The following NBEA variants were observed in gnomAD, a reference collection of about 807,000 sequenced individuals.
NBEA encodes the protein lysosomal-trafficking regulator 2.
Under a neutral mutation model 343.4 loss-of-function variants are expected in NBEA, and 44 were observed. That is an observed-to-expected ratio of 0.13 (90% CI 0.10 to 0.16). NBEA has a LOEUF of 0.16. NBEA is among the 10% of genes least tolerant of loss of function. The pLI is 1.00. For missense variants in NBEA, 2,555 were observed against 3,631.3 expected, an observed-to-expected ratio of 0.70 and a Z score of 7.62; for synonymous variants, 1,175 against 1,238.7, an observed-to-expected ratio of 0.95 and a Z score of 1.08.
chr13:35,358,063 C>A (rs1184161719), intron 38 of NBEA, among the ~76,000 whole-genome samples: 2 of 152,114 alleles, frequency 1.3e-5, no homozygotes, highest in African/African-American at 4.8e-5. Flanking sequence ...ACGCTGTCAC[C>A]CAGGCTGAAG....
intron 41 of NBEA, chr13:35,475,998 C>T: frequency 6.2e-7 from 1 of 1,614,224 alleles, no homozygotes; most frequent in South Asian, 1.1e-5. Flanking sequence ...GCGGCTCCTG[C>T]ACTTCCACTT....
chr13:35,070,819 A>G lies in NBEA; in HGVS notation c.1538A>G (p.Gln513Arg). 1.2e-6 allele frequency: 2 copies of G among 1,610,328 alleles called. No homozygotes were observed. The highest frequency in any genetic ancestry group is 1.7e-6 in the Non-Finnish European group (2 of 1,178,780). Residue 513 changes from glutamine (Q) to arginine (R), a missense_variant, in exon 10 of 59, where the codon CAG becomes CGG. By Grantham distance (43) the Gln-to-Arg change is conservative. This residue lies in a region of NBEA where 360 missense variants were observed against 519.1 expected (regional missense o/e 0.69). Transcript: ENST00000379939. ...CTTTTTGCCCAATTGGATAATAGGC[A>G]GCTCAATGACAGTCAAGTGGAAACA... is the stretch of plus-strand genomic sequence containing the variant. ...FPLFAQLDNR[Q>R]LNDSQVETTV...
intron 13 of NBEA, among the ~76,000 whole-genome samples, chr13:35,111,568 A>G (rs2066208093): frequency 1.3e-5 from 2 of 152,002 alleles, no homozygotes; most frequent in African/African-American, 4.8e-5. Flanking sequence ...AAATATTTAA[A>G]CTTTTTAATT....
chr13:35,084,041 A>G (rs939226303), intron 10 of NBEA, among the ~76,000 whole-genome samples: 2 of 152,166 alleles, frequency 1.3e-5, no homozygotes, highest in African/African-American at 2.4e-5. Context: ...CTAAATATAG[A>G]TGCACCCAAT....
Position 34,987,725 on chromosome 13 carries a change from C to T in NBEA, c.294+44611C>T, listed in dbSNP as rs1009891049. On this transcript the variant is annotated intron_variant, in intron 1 of 58. Transcript: ENST00000379939. ...CTCTTTTTTCTCTAACTTCTCTTCTCGCTTTATTTCATTAATTTGATCTTC... is the reference window on the plus strand; with the variant it reads ...CTCTTTTTTCTCTAACTTCTCTTCTTGCTTTATTTCATTAATTTGATCTTC... Among the ~76,000 whole-genome samples, 8 of 150,912 alleles carry T rather than the reference C, an allele frequency of 5.3e-5. No homozygotes were observed. In the East Asian group the frequency reaches 5.8e-4, roughly 11 times the overall value.
At chr13:35,628,787 G>A (rs773941920) in intron 49 of NBEA, among the ~76,000 whole-genome samples, 8 of 152,084 alleles carry the variant, frequency 5.3e-5, no homozygotes, top group Non-Finnish European at 1.0e-4. Flanking sequence ...GTGTGGTGGC[G>A]CAGCTGTGTG....
At chr13:35,247,020 G>T (rs1294486301) in intron 34 of NBEA, among the ~76,000 whole-genome samples, 1 of 152,080 alleles carries the variant, frequency 6.6e-6, no homozygotes, top group Non-Finnish European at 1.5e-5. Flanking sequence ...TTCCCAGGAG[G>T]ATTATGGCTG....
chr13:35,287,701 C>T (rs1313802137), intron 34 of NBEA, among the ~76,000 whole-genome samples: 4 of 152,132 alleles, frequency 2.6e-5, no homozygotes, highest in South Asian at 4.1e-4. Context: ...CAACCCTTCT[C>T]ATAATCAAAT....
intron 10 of NBEA, among the ~76,000 whole-genome samples, chr13:35,095,593 GA>G (rs1268740817): frequency 2.0e-5 from 3 of 151,394 alleles, no homozygotes; most frequent in African/African-American, 7.3e-5. Flanking sequence ...TTATTTTTAA[GA>G]AAAAACACCC....
At chr13:35,492,188 T>G (rs1009615308) in intron 41 of NBEA, among the ~76,000 whole-genome samples, 1 of 151,876 alleles carries the variant, frequency 6.6e-6, no homozygotes, top group Non-Finnish European at 1.5e-5. Flanking sequence ...GTTTGGGAAC[T>G]CAGGGGGAAA....
chr13:35,030,078 G>C (rs2062152016), intron 1 of NBEA, among the ~76,000 whole-genome samples: 1 of 151,592 alleles, frequency 6.6e-6, no homozygotes. Context: ...TTTATATATG[G>C]TCACAGTGAT....
At chr13:35,066,685 A>G (rs1337939838) in intron 8 of NBEA, among the ~76,000 whole-genome samples, 1 of 151,960 alleles carries the variant, frequency 6.6e-6, no homozygotes. Context: ...AATATTCTAT[A>G]AACAGTATGT....
At position 35,034,333 on chromosome 13, in the gene NBEA, C is replaced by T. The variant is rs539186814; in HGVS notation, c.295-6600C>T. 7.2e-5 allele frequency among the ~76,000 whole-genome samples: 11 copies of T among 152,030 alleles called. No individual in the cohort carries two copies. The East Asian group carries it at 1.2e-3, about 16-fold the overall frequency. ...GATTGATTGATTTGTATATGTTGAA[C>T]CGTCCTTGTATCCCAGGGATAAATC... is the stretch of plus-strand genomic sequence containing the variant. On this transcript the variant is annotated intron_variant, in intron 1 of 58. Coordinates refer to ENST00000379939, the MANE Select transcript of NBEA (RefSeq NM_001385012.1).
chr13:35,120,451 A>G (rs1460991113), intron 16 of NBEA, among the ~76,000 whole-genome samples: 2 of 152,182 alleles, frequency 1.3e-5, no homozygotes, highest in African/African-American at 2.4e-5. Flanking sequence ...AATAGTATAA[A>G]AGATGAAAAA....
chr13:35,099,070 C>T (rs1406506944), intron 11 of NBEA, among the ~76,000 whole-genome samples: 1 of 148,222 alleles, frequency 6.7e-6, no homozygotes, highest in African/African-American at 2.5e-5. Flanking sequence ...CTGTCTCCCA[C>T]AGTGGAGTGC....
chr13:35,650,985 T>G (rs2084491990), intron 52 of NBEA, among the ~76,000 whole-genome samples: 1 of 152,212 alleles, frequency 6.6e-6, no homozygotes, highest in Non-Finnish European at 1.5e-5. Context: ...TTATTGGTGA[T>G]ATTATCAACG....
chr13:35,293,918 CTG>C (rs779831571), intron 35 of NBEA, among the ~76,000 whole-genome samples: 4 of 151,524 alleles, frequency 2.6e-5, no homozygotes, highest in Admixed American at 1.3e-4. Context: ...AATTGAGAAA[CTG>C]TACATTTAAA....
At chr13:34,993,975 A>G (rs1027617750) in intron 1 of NBEA, among the ~76,000 whole-genome samples, 5 of 152,044 alleles carry the variant, frequency 3.3e-5, no homozygotes, top group Admixed American at 1.3e-4. Flanking sequence ...AGGCAGGTGG[A>G]TCACTTGAGG....
At chr13:34,975,830 A>G (rs1348006489) in intron 1 of NBEA, among the ~76,000 whole-genome samples, 1 of 152,220 alleles carries the variant, frequency 6.6e-6, no homozygotes. Context: ...AAAATGCTCA[A>G]CATCACTTAT....
Sources: allele counts gnomAD v4.1 joint callset (sites outside exome capture counted in the v4.1 genomes callset), GRCh38; gene constraint gnomAD v4.1.1; regional missense constraint gnomAD v4.1.1; transcripts MANE v1.5; gene names NCBI Gene and HGNC (gene_info 2026-07-23, HGNC 2026-07-21).